The following LRP1B variants were observed in gnomAD, a reference collection of about 807,000 sequenced individuals.
LRP1B encodes the protein LDL receptor related protein 1B.
In LRP1B, 217 loss-of-function variants were observed where a neutral mutation model predicts 556.6. That is an observed-to-expected ratio of 0.39 (90% CI 0.35 to 0.44). The LOEUF is 0.44. Among genes scored for constraint, LRP1B ranks in the 20% least tolerant of loss-of-function variants. LRP1B has a pLI of 1.00. For missense variants in LRP1B, 5,053 were observed against 5,620.8 expected, an observed-to-expected ratio of 0.90 and a Z score of 3.23; for synonymous variants, 2,047 against 1,865.8, an observed-to-expected ratio of 1.10 and a Z score of -2.50.
intron 27 of LRP1B, among the ~76,000 whole-genome samples, chr2:140,858,501 G>GGAGA (rs35791983): frequency 0.082 from 11,532 of 139,816 alleles, 807 homozygotes; most frequent in East Asian, 0.33. Flanking sequence ...TTATATATAT[G>GGAGA]GAGAGAGAGA....
chr2:140,411,161 A>G (rs1334291292), intron 66 of LRP1B, among the ~76,000 whole-genome samples: 1 of 152,166 alleles, frequency 6.6e-6, no homozygotes, highest in South Asian at 2.1e-4. Flanking sequence ...GTACCTTGAT[A>G]AAAACTATTT....
intron 66 of LRP1B, among the ~76,000 whole-genome samples, chr2:140,414,036 A>T (rs554177393): frequency 6.6e-6 from 1 of 152,144 alleles, no homozygotes; most frequent in South Asian, 2.1e-4. Flanking sequence ...CCACCTCAGG[A>T]GTACCTGTGA....
At chr2:140,791,773 C>T (rs1690128517) in intron 32 of LRP1B, among the ~76,000 whole-genome samples, 1 of 152,194 alleles carries the variant, frequency 6.6e-6, no homozygotes, top group Non-Finnish European at 1.5e-5. Context: ...TTGTATCAGA[C>T]CTTCCAGGTC....
chr2:141,469,438 T>A (rs1233920337), intron 3 of LRP1B, among the ~76,000 whole-genome samples: 11 of 152,088 alleles, frequency 7.2e-5, no homozygotes, highest in Admixed American at 5.2e-4. Context: ...ATTTCTTAGT[T>A]CTAGAGGCTA....
At chr2:140,332,998 CT>C (rs1203105128) in intron 79 of LRP1B, among the ~76,000 whole-genome samples, 1 of 152,076 alleles carries the variant, frequency 6.6e-6, no homozygotes, top group Non-Finnish European at 1.5e-5. Flanking sequence ...TCAAATAGCT[CT>C]CTTCAAAGCT....
At chr2:141,658,042 T>C (rs574135127) in intron 2 of LRP1B, among the ~76,000 whole-genome samples, 2 of 152,324 alleles carry the variant, frequency 1.3e-5, no homozygotes, top group South Asian at 4.1e-4. Context: ...CTAATTTATT[T>C]CCTCTGGTGT....
At chr2:140,633,687 C>T (rs938292024) in intron 41 of LRP1B, among the ~76,000 whole-genome samples, 1 of 151,992 alleles carries the variant, frequency 6.6e-6, no homozygotes, top group African/African-American at 2.4e-5. Context: ...ATTATGAACA[C>T]AAATATTTAG....
intron 3 of LRP1B, among the ~76,000 whole-genome samples, chr2:141,467,863 C>T (rs1682305758): frequency 7.1e-6 from 1 of 141,086 alleles, no homozygotes; most frequent in South Asian, 2.3e-4. Flanking sequence ...TTCCAGCATA[C>T]AGTGTAGCAC....
At chr2:140,933,733 A>G (rs1356252217) in intron 20 of LRP1B, among the ~76,000 whole-genome samples, 1 of 152,156 alleles carries the variant, frequency 6.6e-6, no homozygotes, top group Non-Finnish European at 1.5e-5. Flanking sequence ...CATAGTAAAA[A>G]TAAAGATAAT....
intron 84 of LRP1B, among the ~76,000 whole-genome samples, chr2:140,277,296 A>C (rs1360218969): frequency 6.6e-6 from 1 of 151,922 alleles, no homozygotes. Flanking sequence ...ATTAAGATTA[A>C]AAAGATGGGC....
chr2:140,739,657 T>C (rs1203304095), intron 35 of LRP1B, among the ~76,000 whole-genome samples: 4 of 152,314 alleles, frequency 2.6e-5, no homozygotes, highest in South Asian at 2.1e-4. Context: ...ATTTGTTAGA[T>C]AATATATTTG....
At chr2:140,797,148 T>G (rs980630293) in intron 32 of LRP1B, among the ~76,000 whole-genome samples, 2 of 151,978 alleles carry the variant, frequency 1.3e-5, no homozygotes, top group African/African-American at 4.8e-5. Context: ...TTCTCAAGCA[T>G]TATAGTCCAT....
At chr2:140,626,960 A>T (rs1683686399) in intron 41 of LRP1B, among the ~76,000 whole-genome samples, 1 of 152,212 alleles carries the variant, frequency 6.6e-6, no homozygotes, top group Non-Finnish European at 1.5e-5. Context: ...AAATAGAACT[A>T]GACTGTTCTA....
chr2:140,769,873 CATACTAAGA>C (rs1689248650), intron 34 of LRP1B, among the ~76,000 whole-genome samples: 1 of 151,792 alleles, frequency 6.6e-6, no homozygotes, highest in South Asian at 2.1e-4. Context: ...AAATCTTTGT[CATACTAAGA>C]ATACATCAAT....
At chr2:141,555,748 G>A (rs1685939138) in intron 2 of LRP1B, among the ~76,000 whole-genome samples, 1 of 151,830 alleles carries the variant, frequency 6.6e-6, no homozygotes, top group Non-Finnish European at 1.5e-5. Flanking sequence ...CCACGTTGAT[G>A]AGGTACCTGG....
intron 18 of LRP1B, among the ~76,000 whole-genome samples, chr2:140,963,184 T>C (rs1297767579): frequency 6.6e-6 from 1 of 152,082 alleles, no homozygotes; most frequent in African/African-American, 2.4e-5. Flanking sequence ...ACTGAACACC[T>C]TTCAAAATAA....
At chr2:141,449,813 G>A (rs1269645191) in intron 3 of LRP1B, among the ~76,000 whole-genome samples, 1 of 152,176 alleles carries the variant, frequency 6.6e-6, no homozygotes, top group Non-Finnish European at 1.5e-5. Context: ...ATTTAAACAA[G>A]TATTTCTCAA....
At chr2:141,666,342 T>G (rs181871082) in intron 2 of LRP1B, among the ~76,000 whole-genome samples, 21 of 152,260 alleles carry the variant, frequency 1.4e-4, no homozygotes, top group African/African-American at 4.8e-4. Flanking sequence ...TAAAGCCTTA[T>G]CTCATGGTGG....
intron 1 of LRP1B, among the ~76,000 whole-genome samples, chr2:141,901,364 A>T (rs962451039): frequency 6.6e-6 from 1 of 151,968 alleles, no homozygotes; most frequent in Non-Finnish European, 1.5e-5. Context: ...AGGAGAATTG[A>T]ATTTTACAGT....
Sources: allele counts gnomAD v4.1 joint callset (sites outside exome capture counted in the v4.1 genomes callset), GRCh38; gene constraint gnomAD v4.1.1; transcripts MANE v1.5; gene names NCBI Gene and HGNC (gene_info 2026-07-23, HGNC 2026-07-21).